Variants in ATXN10 observed in about 807,000 individuals in gnomAD.
The protein encoded by ATXN10 is ataxin 10.
Under a neutral mutation model 52.9 loss-of-function variants are expected in ATXN10, and 28 were observed. The observed-to-expected ratio is 0.53, with a 90% CI of 0.39 to 0.73. The LOEUF (loss-of-function observed/expected upper bound fraction) is 0.73, where lower values mean the gene tolerates loss of function less well. Ranked by LOEUF, ATXN10 falls within the 30% of genes least tolerant of loss-of-function variation. The probability of loss-of-function intolerance (pLI) is 0.00; values close to 1 mark genes in which losing one functional copy is unlikely to be tolerated. For missense variants in ATXN10, 565 were observed against 577.0 expected (o/e 0.98, Z 0.21); for synonymous variants, 226 against 221.5 (o/e 1.02, Z -0.18).
Position 45,696,451 on chromosome 22 carries a change from A to G in ATXN10, c.391+3373A>G, listed in dbSNP as rs1923608942. Among the ~76,000 whole-genome samples, 1 of 152,226 alleles carries G rather than the reference A, an allele frequency of 6.6e-6. No homozygotes were observed. Among genetic ancestry groups the G allele is most frequent in the South Asian group, 2.1e-4 (1 of 4,826 alleles). ...AATGATATATGCTAAATAAAGAAGC[A>G]AAGGGGAAGTGCTGTACAAATGCTG... On this transcript the variant is annotated intron_variant, in intron 3 of 11. Coordinates refer to ENST00000252934, the MANE Select transcript of ATXN10 (RefSeq NM_013236.4). This position sits in a 1 kb window ranked among gnomAD's most constrained non-coding sequence, Gnocchi z 4.7.
intron 9 of ATXN10, among the ~76,000 whole-genome samples, chr22:45,747,950 T>A (rs891632417): frequency 1.0e-4 from 15 of 150,706 alleles, no homozygotes; most frequent in Non-Finnish European, 2.1e-4. Flanking sequence ...GTATTTCCAG[T>A]TACTTGGTGG....
chr22:45,697,815 A>T (rs994605597), intron 3 of ATXN10, among the ~76,000 whole-genome samples: 5 of 151,968 alleles, frequency 3.3e-5, no homozygotes, highest in Admixed American at 3.3e-4. Context: ...TATTTTTAGT[A>T]GAGACGGGGT....
At chr22:45,746,252 A>G (rs1311305457) in intron 9 of ATXN10, among the ~76,000 whole-genome samples, 2 of 150,702 alleles carry the variant, frequency 1.3e-5, no homozygotes, top group East Asian at 1.9e-4. Flanking sequence ...GGTGGGGTGT[A>G]CTATTTTCCA....
At position 45,671,940 on chromosome 22, in the gene ATXN10, C is replaced by G; in HGVS notation, c.-124C>G. On this transcript the variant is annotated 5_prime_UTR_variant, in exon 1 of 12. Coordinates refer to ENST00000252934, the MANE Select transcript of ATXN10 (RefSeq NM_013236.4). Reference sequence around the variant, plus strand: ...GCTGCAGCGGCGGCGGCGGTTAGGGCTGTGTAGGGCGAGGCCTCCCCCTTC... The same window carrying G: ...GCTGCAGCGGCGGCGGCGGTTAGGGGTGTGTAGGGCGAGGCCTCCCCCTTC... 2 of 1,112,534 alleles carry G rather than the reference C, an allele frequency of 1.8e-6. No homozygotes were observed. Among genetic ancestry groups the G allele is most frequent in the South Asian group, 1.4e-5 (1 of 69,362 alleles). The allele number at this position is 1,112,534 out of a possible 1,614,324, so 68.9% of individuals were successfully genotyped here.
intron 1 of ATXN10, chr22:45,672,905 C>T (rs1922528570): frequency 6.6e-6 from 1 of 152,228 alleles, no homozygotes. Flanking sequence ...TAATACACAG[C>T]TTAGTTGCTG....
chr22:45,793,875 T>C, intron 9 of ATXN10: 1 of 1,277,824 alleles, frequency 7.8e-7, no homozygotes. Flanking sequence ...GCAACTTTGA[T>C]TGAAGCAGCA....
At chr22:45,800,278 C>T (rs890340516) in intron 9 of ATXN10, among the ~76,000 whole-genome samples, 1 of 152,094 alleles carries the variant, frequency 6.6e-6, no homozygotes, top group Non-Finnish European at 1.5e-5. Flanking sequence ...TCTTACAACT[C>T]GATGAGAAGA....
At chr22:45,758,421 T>A (rs1926254549) in intron 9 of ATXN10, among the ~76,000 whole-genome samples, 1 of 152,262 alleles carries the variant, frequency 6.6e-6, no homozygotes, top group Non-Finnish European at 1.5e-5. Flanking sequence ...CTATAGCCAC[T>A]GACTTTGTGC....
At chr22:45,752,225 A>G (rs1271500647) in intron 9 of ATXN10, among the ~76,000 whole-genome samples, 2 of 152,214 alleles carry the variant, frequency 1.3e-5, no homozygotes, top group East Asian at 3.9e-4. Context: ...CCAGTATTCT[A>G]GACACTGGGA....
chr22:45,756,063 G>T (rs1329199440), intron 9 of ATXN10, among the ~76,000 whole-genome samples: 1 of 152,134 alleles, frequency 6.6e-6, no homozygotes, highest in South Asian at 2.1e-4. Flanking sequence ...TCTGAGAGAG[G>T]TGACCACTGG....
At chr22:45,834,847 T>C (rs144195180) in intron 10 of ATXN10, among the ~76,000 whole-genome samples, 83 of 152,312 alleles carry the variant, frequency 5.4e-4, no homozygotes, top group Admixed American at 3.9e-3. Flanking sequence ...CTGCATACAG[T>C]GGCTCCTTCC....
intron 9 of ATXN10, among the ~76,000 whole-genome samples, chr22:45,743,650 G>A (rs975688519): frequency 5.9e-5 from 9 of 152,210 alleles, no homozygotes; most frequent in East Asian, 1.9e-4. Context: ...GAGGGATTTC[G>A]TATCATCTAG....
At chr22:45,731,688 T>C (rs1050016274) in intron 7 of ATXN10, among the ~76,000 whole-genome samples, 1 of 152,198 alleles carries the variant, frequency 6.6e-6, no homozygotes, top group Non-Finnish European at 1.5e-5. Context: ...TGTTAACTCC[T>C]GTTGTAAATG....
Position 45,733,710 on chromosome 22 carries a change from T to A in ATXN10, c.894+4120T>A, listed in dbSNP as rs1925176081. Among the ~76,000 whole-genome samples the A allele has an allele frequency of 6.6e-6, 1 of 151,872 alleles. No homozygotes were observed. The highest frequency in any genetic ancestry group is 1.5e-5 in the Non-Finnish European group (1 of 67,954). ...GGCGGAGGTTGCTGTGAACTGAGAT[T>A]GTGCCATTGCACTTCAGCCTGGGCG... On this transcript the variant is annotated intron_variant, in intron 7 of 11. Coordinates refer to ENST00000252934, the MANE Select transcript of ATXN10 (RefSeq NM_013236.4). The surrounding 1 kb of genome is among the most constrained non-coding windows in gnomAD (Gnocchi z 4.4).
In ATXN10 at chr22:45,763,584, G is replaced by A. The variant is rs1045198613; in HGVS notation, c.1173+23046G>A. Among the ~76,000 whole-genome samples, 16 of 151,814 alleles carry A rather than the reference G, an allele frequency of 1.1e-4. No individual in the cohort carries two copies. Among genetic ancestry groups the A allele is most frequent in the African/African-American group, 3.6e-4 (15 of 41,300 alleles). On this transcript the variant is annotated intron_variant, in intron 9 of 11. Transcript: ENST00000252934. This position sits in a 1 kb window ranked among gnomAD's most constrained non-coding sequence, Gnocchi z 6.9. ...CCTGTTAAAAGTCGGACCCCACCACGCCCCCCACCTCTCTGTCCCTGCTCT... is the reference window on the plus strand; with the variant it reads ...CCTGTTAAAAGTCGGACCCCACCACACCCCCCACCTCTCTGTCCCTGCTCT...
In ATXN10 at chr22:45,757,517, G is replaced by A. The variant is rs1478447690; in HGVS notation, c.1173+16979G>A. Among the ~76,000 whole-genome samples the A allele has an allele frequency of 6.6e-6, 1 of 151,972 alleles. No homozygotes were observed. The highest frequency in any genetic ancestry group is 1.9e-4 in the East Asian group (1 of 5,170). On this transcript the variant is annotated intron_variant, in intron 9 of 11. Coordinates refer to ENST00000252934, the MANE Select transcript of ATXN10 (RefSeq NM_013236.4). The surrounding 1 kb of genome is among the most constrained non-coding windows in gnomAD (Gnocchi z 4.6). ...AAGGGAGGTGTGGATGTTTCATTCA[G>A]TACTTTGGAGGGAGAAAGAAATGGG...
chr22:45,788,990 C>G (rs968722345), intron 9 of ATXN10, among the ~76,000 whole-genome samples: 11 of 152,086 alleles, frequency 7.2e-5, no homozygotes, highest in Non-Finnish European at 1.5e-4. Context: ...ACCGTCACCC[C>G]CAAGATACAG....
chr22:45,793,032 C>T, intron 9 of ATXN10: 3 of 288,012 alleles, frequency 1.0e-5, no homozygotes, highest in Admixed American at 6.9e-5. Flanking sequence ...AGGCCTTTTG[C>T]AGGCTCTGCA....
intron 9 of ATXN10, chr22:45,793,217 A>G (rs1927577542): frequency 1.3e-5 from 2 of 158,614 alleles, no homozygotes; most frequent in African/African-American, 4.8e-5. Flanking sequence ...AAACCCAAAG[A>G]CATAGAATTG....
Sources: gnomAD v4.1 joint callset for allele counts (sites outside exome capture counted in the v4.1 genomes callset) on GRCh38, gnomAD v4.1.1 for gene constraint, Gnocchi (gnomAD v3.1) non-coding constraint, MANE v1.5 for transcripts, NCBI Gene and HGNC (gene_info 2026-07-23, HGNC 2026-07-21) for gene names.